APBB2: variants seen among roughly 807,000 people sequenced by gnomAD.
APBB2 encodes the protein amyloid beta precursor protein binding family B member 2.
In APBB2, 38 loss-of-function variants were observed where a neutral mutation model predicts 82.5. The observed-to-expected ratio is 0.46, with a 90% CI of 0.36 to 0.60. The LOEUF (loss-of-function observed/expected upper bound fraction) is 0.60. APBB2 is among the 20% of genes least tolerant of loss of function. The pLI, the probability that APBB2 is intolerant of heterozygous loss-of-function variation, is 0.00. For missense variants in APBB2, 772 were observed against 972.3 expected (o/e 0.79, Z 2.74); for synonymous variants, 341 against 368.2 (o/e 0.93, Z 0.85).
intron 1 of APBB2, among the ~76,000 whole-genome samples, chr4:41,159,790 C>G (rs1177885919): frequency 6.7e-6 from 1 of 148,938 alleles, no homozygotes; most frequent in Non-Finnish European, 1.5e-5. Context: ...CTATTTGCAG[C>G]TTAATGAATG....
At chr4:40,962,820 C>T (rs1046142300) in intron 6 of APBB2, among the ~76,000 whole-genome samples, 4 of 152,138 alleles carry the variant, frequency 2.6e-5, no homozygotes, top group African/African-American at 9.7e-5. Flanking sequence ...TCCTCCTTTG[C>T]TATGACATCC....
At chr4:40,818,313 T>C (rs1746529893) in intron 17 of APBB2, among the ~76,000 whole-genome samples, 1 of 152,058 alleles carries the variant, frequency 6.6e-6, no homozygotes, top group South Asian at 2.1e-4. Flanking sequence ...TGTCCACTCG[T>C]TGCAGTGATA....
rs1424380651 is a variant in APBB2 at position 40,811,645 on chromosome 4, A to G, written c.*4447T>C. 1 of 140,100 alleles carries G rather than the reference A, an allele frequency of 7.1e-6. No homozygotes were observed. Among genetic ancestry groups the G allele is most frequent in the Non-Finnish European group, 1.6e-5 (1 of 60,780 alleles). The allele number at this position is 140,100 out of a possible 1,614,324, so 8.7% of individuals were successfully genotyped here. On this transcript the variant is annotated 3_prime_UTR_variant, in exon 18 of 18. Transcript: ENST00000508593. Reference sequence around the variant, plus strand: ...TTTTACATTCTTGGACTTCTTCTTGAGATAAAAGTGCTGCAAAATTCTAAA... The same window carrying G: ...TTTTACATTCTTGGACTTCTTCTTGGGATAAAAGTGCTGCAAAATTCTAAA...
intron 1 of APBB2, among the ~76,000 whole-genome samples, chr4:41,157,714 C>A (rs1041047044): frequency 6.6e-6 from 1 of 152,098 alleles, no homozygotes; most frequent in African/African-American, 2.4e-5. Flanking sequence ...GACTCCAGGC[C>A]GCGCAGTGGC....
intron 10 of APBB2, among the ~76,000 whole-genome samples, chr4:40,902,109 G>C (rs1775464836): frequency 6.6e-6 from 1 of 152,084 alleles, no homozygotes; most frequent in African/African-American, 2.4e-5. Context: ...ATGTTGTTTT[G>C]CTATAATGTT....
At chr4:40,952,385 C>T (rs13135229) in intron 6 of APBB2, among the ~76,000 whole-genome samples, 6,026 of 152,192 alleles carry the variant, frequency 0.04, 173 homozygotes, top group Non-Finnish European at 0.061. Context: ...GACGCCTCTA[C>T]TGTGACAAGA....
chr4:40,908,911 G>A (rs1464241052), intron 10 of APBB2, among the ~76,000 whole-genome samples: 2 of 152,230 alleles, frequency 1.3e-5, no homozygotes, highest in African/African-American at 4.8e-5. Context: ...AGGCAAGGAG[G>A]CCTATGGAGG....
intron 2 of APBB2, chr4:41,114,032 CG>C (rs1560787881): frequency 6.6e-6 from 1 of 152,266 alleles, no homozygotes; most frequent in Non-Finnish European, 1.5e-5. Context: ...ATTCATGGAG[CG>C]TTCCATATTT....
intron 10 of APBB2, 129 bp from the exon 11 acceptor site, chr4:40,893,540 A>G: frequency 1.3e-6 from 1 of 784,638 alleles, no homozygotes; most frequent in Non-Finnish European, 1.9e-6. Context: ...ATTATGTTCA[A>G]TCATCTAATT....
rs578228580 is a variant in APBB2 at position 40,857,064 on chromosome 4, C to G, written c.1530-26487G>C. On this transcript the variant is annotated intron_variant, in intron 12 of 17. Transcript: ENST00000508593. The stretch of plus-strand genomic sequence containing the variant: ...TCCTTCCGAAGTCGGGCGGGGATGC[C>G]GCCCCAGGTGCTACGACAAGCCCCA... 320 of 985,582 alleles carry G rather than the reference C, an allele frequency of 3.2e-4. 1 individual carries two copies. In the African/African-American group the frequency reaches 5.3e-3, roughly 16 times the overall value. The allele number at this position is 985,582 out of a possible 1,614,324, so 61.1% of individuals were successfully genotyped here.
At chr4:40,891,286 T>C (rs959160230) in intron 11 of APBB2, among the ~76,000 whole-genome samples, 41 of 152,166 alleles carry the variant, frequency 2.7e-4, no homozygotes, top group Non-Finnish European at 4.0e-4. Context: ...CCACCTGTGT[T>C]GGCTCTTTGT....
At chr4:40,851,705 A>G (rs1336976887) in intron 12 of APBB2, among the ~76,000 whole-genome samples, 1 of 142,746 alleles carries the variant, frequency 7.0e-6, no homozygotes, top group Middle Eastern at 3.4e-3. Context: ...TGCAGAAGGA[A>G]TATTTTCTAT....
chr4:40,855,602 G>GGT (rs1482299070), intron 12 of APBB2, among the ~76,000 whole-genome samples: 4 of 152,148 alleles, frequency 2.6e-5, no homozygotes, highest in Non-Finnish European at 5.9e-5. Flanking sequence ...CGGGTGTGGT[G>GGT]GTGTGCACTT....
At chr4:40,860,115 G>T (rs577134913) in intron 12 of APBB2, among the ~76,000 whole-genome samples, 1 of 152,286 alleles carries the variant, frequency 6.6e-6, no homozygotes, top group African/African-American at 2.4e-5. Flanking sequence ...TACAGAGTCT[G>T]GTTTTGTTTC....
intron 12 of APBB2, among the ~76,000 whole-genome samples, chr4:40,868,151 C>A (rs1277810981): frequency 6.6e-6 from 1 of 152,016 alleles, no homozygotes; most frequent in Non-Finnish European, 1.5e-5. Flanking sequence ...GCCACCACAC[C>A]CAGCTGGTTT....
At chr4:40,894,879 G>A (rs1773217601) in intron 10 of APBB2, among the ~76,000 whole-genome samples, 1 of 152,184 alleles carries the variant, frequency 6.6e-6, no homozygotes, top group African/African-American at 2.4e-5. Context: ...CCGCATGCCT[G>A]AGCTGGGTCC....
chr4:40,975,377 T>C (rs1796894361), intron 6 of APBB2, among the ~76,000 whole-genome samples: 1 of 152,216 alleles, frequency 6.6e-6, no homozygotes, highest in Non-Finnish European at 1.5e-5. Flanking sequence ...TTCAAATTAC[T>C]AATCCAGTTC....
intron 1 of APBB2, among the ~76,000 whole-genome samples, chr4:41,165,123 G>A (rs1054422462): frequency 1.3e-5 from 2 of 152,198 alleles, no homozygotes; most frequent in African/African-American, 4.8e-5. Flanking sequence ...GACCATTTGA[G>A]ATGTCCGCAA....
intron 1 of APBB2, among the ~76,000 whole-genome samples, chr4:41,161,326 G>A (rs1013484589): frequency 1.3e-5 from 2 of 152,142 alleles, no homozygotes; most frequent in African/African-American, 4.8e-5. Context: ...ATAGCATTCA[G>A]CCGGGCATGG....
Sources: gnomAD v4.1 joint callset for allele counts (sites outside exome capture counted in the v4.1 genomes callset) on GRCh38, gnomAD v4.1.1 for gene constraint, MANE v1.5 for transcripts, NCBI Gene and HGNC (gene_info 2026-07-23, HGNC 2026-07-21) for gene names.